LIPI: variants seen among roughly 807,000 people sequenced by gnomAD.
The protein encoded by LIPI is lipase I, also known as lipase member I.
In LIPI, 59 loss-of-function variants were observed where a neutral mutation model predicts 50.6. The observed-to-expected ratio is 1.16, with a 90% CI of 0.94 to 1.45. The LOEUF (loss-of-function observed/expected upper bound fraction) is 1.45. LIPI is among the 40% of genes most tolerant of loss of function. The pLI, the probability that LIPI is intolerant of heterozygous loss-of-function variation, is 0.00. For synonymous variants in LIPI, 203 were observed against 178.2 expected (o/e 1.14, Z -1.11); for missense variants, 586 against 536.3 (o/e 1.09, Z -0.92).
chr21:14,164,437 T>A (rs1391330541), intron 6 of LIPI, among the ~76,000 whole-genome samples: 1 of 152,150 alleles, frequency 6.6e-6, no homozygotes, highest in Admixed American at 6.6e-5. Context: ...TGCATACCCC[T>A]CCTAGGGTGT....
At chr21:14,186,171 C>T (rs1014689338) in intron 2 of LIPI, 102 bp from the exon 3 acceptor site, 8 of 761,368 alleles carry the variant, frequency 1.1e-5, no homozygotes, top group Non-Finnish European at 1.6e-5. Context: ...ATTTTTCTGG[C>T]TTGATTCATT....
intron 1 of LIPI, among the ~76,000 whole-genome samples, chr21:14,210,232 G>A (rs111417784): frequency 6.7e-6 from 1 of 150,122 alleles, no homozygotes; most frequent in Non-Finnish European, 1.5e-5. Flanking sequence ...AGTAGAAAAC[G>A]ATACTCTTAA....
chr21:14,152,727 AT>A, intron 7 of LIPI, 43 bp from the exon 8 acceptor site: 1 of 1,062,296 alleles, frequency 9.4e-7, no homozygotes, highest in Non-Finnish European at 1.4e-6. Flanking sequence ...TTATTTTTTA[AT>A]TTTTGGTTTT....
chr21:14,158,171 A>G (rs574190247), intron 7 of LIPI, among the ~76,000 whole-genome samples: 81 of 151,846 alleles, frequency 5.3e-4, no homozygotes, highest in Non-Finnish European at 9.3e-4. Context: ...TTGCCAGTAC[A>G]CATGAAGCAT....
At chr21:14,179,137 A>T (rs1029327039) in intron 4 of LIPI, among the ~76,000 whole-genome samples, 1 of 152,088 alleles carries the variant, frequency 6.6e-6, no homozygotes. Flanking sequence ...AATTTTCCCC[A>T]ATATCTCAGC....
rs905547609 is a variant in LIPI, at chr21:14,150,678, C to G, written c.1118+1895G>C. 5.3e-5 allele frequency among the ~76,000 whole-genome samples: 8 copies of G among 151,964 alleles called. No homozygotes were observed. The South Asian group carries it at 6.2e-4, about 12-fold the overall frequency. On this transcript the variant is annotated intron_variant, in intron 8 of 9. Transcript: ENST00000681601. The stretch of plus-strand genomic sequence containing the variant: ...GTGTATGTATATACATACATAAATA[C>G]AATTGTAAGCAATTTAAAGTAATGA...
rs1187213573 is a variant in LIPI at position 14,161,676 on chromosome 21, T to TA, written c.1006+1742_1006+1743insT. On this transcript the variant is annotated intron_variant, in intron 7 of 9. Coordinates refer to ENST00000681601, the MANE Select transcript of LIPI (RefSeq NM_001302998.2). ...TATATATTAATGTATAATATATACATTATTATATATTAATGTATAATATAT... is the reference window on the plus strand; with the variant it reads ...TATATATTAATGTATAATATATACATATATTATATATTAATGTATAATATAT... Among the ~76,000 whole-genome samples, 49 of 104,798 alleles carry TA rather than the reference T, an allele frequency of 4.7e-4. 7 individuals are homozygous for TA. In the East Asian group the frequency reaches 6.6e-3, roughly 14 times the overall value. 68.8% of individuals were successfully genotyped at this position (104,798 alleles called of 152,430 possible).
intron 4 of LIPI, among the ~76,000 whole-genome samples, chr21:14,180,741 G>A (rs754068046): frequency 2.2e-4 from 33 of 152,286 alleles, no homozygotes; most frequent in Middle Eastern, 3.4e-3. Context: ...TTCCAAAAAG[G>A]AGCAGAATTG....
chr21:14,207,013 A>C lies in LIPI; in HGVS notation c.46+3787T>G, dbSNP rs1012599187. 39 of 899,242 alleles carry C rather than the reference A, an allele frequency of 4.3e-5. No individual in the cohort carries two copies. The South Asian group carries it at 5.1e-4, about 12-fold the overall frequency. 55.7% of individuals were successfully genotyped at this position (899,242 alleles called of 1,614,324 possible). A position where few individuals can be genotyped will look rare whatever the true frequency, so the allele number is the denominator to read the frequency against. ...CTTTTGGGCCAGCAGAATTCCAAGT[A>C]CGAAACAATTGACCCACTTTATGCT... On this transcript the variant is annotated intron_variant, in intron 1 of 9. Coordinates refer to ENST00000681601, the MANE Select transcript of LIPI (RefSeq NM_001302998.2).
chr21:14,111,766 GT>G (rs1434016303), intron 9 of LIPI, among the ~76,000 whole-genome samples: 9 of 152,020 alleles, frequency 5.9e-5, no homozygotes, highest in Admixed American at 2.0e-4. Flanking sequence ...TGAATTTTTT[GT>G]ATAAGGTGTG....
intron 9 of LIPI, among the ~76,000 whole-genome samples, chr21:14,127,941 A>G (rs1214879121): frequency 1.3e-5 from 2 of 152,140 alleles, no homozygotes; most frequent in African/African-American, 2.4e-5. Context: ...TGAAGGATCC[A>G]ATAATAAAGG....
At chr21:14,127,481 A>G (rs934231964) in intron 9 of LIPI, among the ~76,000 whole-genome samples, 4 of 152,216 alleles carry the variant, frequency 2.6e-5, no homozygotes, top group Non-Finnish European at 5.9e-5. Flanking sequence ...CATACATTTA[A>G]TAAATTTTCA....
intron 9 of LIPI, among the ~76,000 whole-genome samples, chr21:14,135,803 T>C (rs2123021711): frequency 6.6e-6 from 1 of 152,186 alleles, no homozygotes; most frequent in South Asian, 2.1e-4. Context: ...AGGGGCCATG[T>C]CACATACTGA....
At chr21:14,203,078 A>G (rs2020115923) in intron 1 of LIPI, among the ~76,000 whole-genome samples, 1 of 152,230 alleles carries the variant, frequency 6.6e-6, no homozygotes, top group African/African-American at 2.4e-5. Flanking sequence ...AAGACACATG[A>G]AAAAATGCTC....
At chr21:14,190,239 C>T (rs921058907) in intron 1 of LIPI, among the ~76,000 whole-genome samples, 1 of 152,004 alleles carries the variant, frequency 6.6e-6, no homozygotes, top group Non-Finnish European at 1.5e-5. Flanking sequence ...AGATGAATAG[C>T]AATAGTCATT....
chr21:14,189,548 A>C, intron 1 of LIPI, 129 bp from the exon 2 acceptor site: 1 of 760,570 alleles, frequency 1.3e-6, no homozygotes, highest in Non-Finnish European at 2.2e-6. Context: ...AACATAATTT[A>C]CTGAGCAACT....
At chr21:14,139,634 A>T (rs1406053095) in intron 9 of LIPI, among the ~76,000 whole-genome samples, 2 of 152,216 alleles carry the variant, frequency 1.3e-5, no homozygotes, top group Admixed American at 6.5e-5. Flanking sequence ...TACAGAGGAC[A>T]GTATAGATAA....
chr21:14,191,625 G>A (rs1001357418), intron 1 of LIPI, among the ~76,000 whole-genome samples: 1 of 152,112 alleles, frequency 6.6e-6, no homozygotes, highest in Non-Finnish European at 1.5e-5. Context: ...ATAGGTTGGT[G>A]TGTTATAGTG....
chr21:14,115,897 C>T (rs553437053), intron 9 of LIPI, among the ~76,000 whole-genome samples: 2 of 152,174 alleles, frequency 1.3e-5, no homozygotes, highest in East Asian at 1.9e-4. Context: ...TGATGAACCT[C>T]GTGTCCCCAC....
Sources: gnomAD v4.1 joint callset for allele counts (sites outside exome capture counted in the v4.1 genomes callset) on GRCh38, gnomAD v4.1.1 for gene constraint, MANE v1.5 for transcripts, NCBI Gene and HGNC (gene_info 2026-07-23, HGNC 2026-07-21) for gene names.